Variants in MYLK observed in about 807,000 individuals in gnomAD.
The protein encoded by MYLK is myosin light chain kinase, also known as myosin light chain kinase, smooth muscle.
MYLK carries 106 observed loss-of-function variants against 203.4 expected under a neutral mutation model. That is an observed-to-expected ratio of 0.52 (90% CI 0.45 to 0.61). The LOEUF (loss-of-function observed/expected upper bound fraction) is 0.61, where lower values mean the gene tolerates loss of function less well. Ranked by LOEUF, MYLK falls within the 20% of genes least tolerant of loss-of-function variation. The pLI is 0.00. For synonymous variants in MYLK, 867 were observed against 959.5 expected, an observed-to-expected ratio of 0.90 and a Z score of 1.78; for missense variants, 2,072 against 2,442.3, an observed-to-expected ratio of 0.85 and a Z score of 3.20.
chr3:123,819,137 G>A (rs1292930005), intron 3 of MYLK, among the ~76,000 whole-genome samples: 1 of 152,180 alleles, frequency 6.6e-6, no homozygotes, highest in Non-Finnish European at 1.5e-5. Flanking sequence ...CAACAGTTGG[G>A]AGACCATTCT....
At chr3:123,673,451 C>T (rs1038183858) in intron 20 of MYLK, among the ~76,000 whole-genome samples, 14 of 152,060 alleles carry the variant, frequency 9.2e-5, no homozygotes, top group African/African-American at 3.4e-4. Context: ...CCCCCACTCC[C>T]CCGCTCTCTG....
intron 3 of MYLK, among the ~76,000 whole-genome samples, chr3:123,805,492 G>T (rs962809663): frequency 3.3e-5 from 5 of 152,024 alleles, no homozygotes; most frequent in South Asian, 2.1e-4. Context: ...AAAATCTAGG[G>T]TTTTTTTCCC....
At chr3:123,666,941 C>T in intron 21 of MYLK, 196 bp downstream of exon 21, 1 of 620,046 alleles carries the variant, frequency 1.6e-6, no homozygotes, top group Non-Finnish European at 2.9e-6. Context: ...GGAAGGGGAC[C>T]AGGAGCCAGG....
intron 29 of MYLK, among the ~76,000 whole-genome samples, chr3:123,637,451 G>C (rs1364922881): frequency 6.6e-6 from 1 of 152,166 alleles, no homozygotes; most frequent in African/African-American, 2.4e-5. Context: ...GGCCTAGATG[G>C]CTGGCCTCCC....
chr3:123,855,461 T>C (rs1465075171), intron 2 of MYLK, among the ~76,000 whole-genome samples: 3 of 152,024 alleles, frequency 2.0e-5, no homozygotes, highest in Non-Finnish European at 4.4e-5. Flanking sequence ...CATTGTTTAT[T>C]ATTTTTTTTA....
chr3:123,618,428 G>T, intron 33 of MYLK: 2 of 580,710 alleles, frequency 3.4e-6, no homozygotes, highest in East Asian at 3.0e-5. Context: ...GCCCCCTGGG[G>T]AAGTGACTGA....
chr3:123,640,742 A>G lies in MYLK; in HGVS notation c.4620-238T>C, dbSNP rs1169450864. On this transcript the variant is annotated intron_variant, in intron 27 of 33. Coordinates refer to ENST00000360304, the MANE Select transcript of MYLK (RefSeq NM_053025.4). The surrounding 1 kb of genome is among the most constrained non-coding windows in gnomAD (Gnocchi z 4.3). ...TAAGCTGCTGGGGACTCAGGGAAGC[A>G]TCTACACTAGGCAGTTTCAGAGGTG... 2.6e-5 allele frequency among the ~76,000 whole-genome samples: 4 copies of G among 152,166 alleles called. No individual in the cohort carries two copies. The highest frequency in any genetic ancestry group is 1.9e-4 in the East Asian group (1 of 5,172).
chr3:123,708,151 G>A, intron 15 of MYLK, 148 bp from the exon 16 acceptor site: 1 of 1,123,476 alleles, frequency 8.9e-7, no homozygotes. Context: ...ATACACAAAT[G>A]CAGCACACCC....
At chr3:123,816,957 T>C (rs1200665854) in intron 3 of MYLK, among the ~76,000 whole-genome samples, 1 of 152,170 alleles carries the variant, frequency 6.6e-6, no homozygotes, top group Non-Finnish European at 1.5e-5. Flanking sequence ...CCCAAGTTTG[T>C]AGAGGCTGCT....
Position 123,881,795 on chromosome 3 carries a change from C to G in MYLK, c.-186+2411G>C, listed in dbSNP as rs375794104. On this transcript the variant is annotated intron_variant, in intron 1 of 33. Transcript: ENST00000360304. The stretch of plus-strand genomic sequence containing the variant: ...ACCCCAGCGCATTCACAATCTATGC[C>G]TCTGAGACCAGCAAAGATCTCCCTA... 2.0e-5 allele frequency among the ~76,000 whole-genome samples: 3 copies of G among 152,316 alleles called. No homozygotes were observed. The East Asian group carries it at 5.8e-4, about 29-fold the overall frequency.
rs762375833 is a variant in MYLK, at chr3:123,700,677, G to T, written c.2791C>A (p.Arg931=). 1.2e-6 allele frequency: 2 copies of T among 1,614,134 alleles called. No individual in the cohort carries two copies. Among genetic ancestry groups the T allele is most frequent in the Non-Finnish European group, 1.7e-6 (2 of 1,180,038 alleles). The change falls in exon 18 of 34, where the codon CGG becomes AGG. Residue 931 remains arginine (R), a synonymous_variant. Transcript: ENST00000360304. ...GACACAGTCTTTGGCTTCACTTGCC[G>T]CTGCAGGTTGGCACGGAAATCCATC... The part of the protein sequence containing the change: ...EQMDFRANLQ[R]QVKPKTVSEE...
chr3:123,809,125 C>A (rs2065468871), intron 3 of MYLK, among the ~76,000 whole-genome samples: 1 of 152,134 alleles, frequency 6.6e-6, no homozygotes, highest in African/African-American at 2.4e-5. Flanking sequence ...GATAAGAAAA[C>A]CAAGGCCTAC....
At chr3:123,626,782 G>A in intron 31 of MYLK, 36 bp downstream of exon 31, 1 of 1,613,818 alleles carries the variant, frequency 6.2e-7, no homozygotes, top group Non-Finnish European at 8.5e-7. Flanking sequence ...CAAATATGAG[G>A]GGCAACATCC....
At chr3:123,780,392 C>T (rs544281429) in intron 4 of MYLK, among the ~76,000 whole-genome samples, 1 of 152,276 alleles carries the variant, frequency 6.6e-6, no homozygotes, top group East Asian at 1.9e-4. Flanking sequence ...CGAGATTGCG[C>T]CACTGTCCTC....
intron 3 of MYLK, among the ~76,000 whole-genome samples, chr3:123,810,271 G>A (rs151033830): frequency 1.3e-5 from 2 of 152,252 alleles, no homozygotes; most frequent in Admixed American, 6.5e-5. Context: ...CGTGTTTCCC[G>A]TGGTTCCCAT....
At chr3:123,751,949 G>A (rs1008270492) in intron 5 of MYLK, among the ~76,000 whole-genome samples, 6 of 152,134 alleles carry the variant, frequency 3.9e-5, no homozygotes, top group African/African-American at 1.4e-4. Context: ...AAGGGCCAGA[G>A]GTGGGTGTGA....
At position 123,804,681 on chromosome 3, in the gene MYLK, C is replaced by T. The variant is rs2065309037; in HGVS notation, c.-3-10837G>A. Among the ~76,000 whole-genome samples, 4 of 152,150 alleles carry T rather than the reference C, an allele frequency of 2.6e-5. No individual in the cohort carries two copies. The South Asian group carries it at 8.3e-4, about 32-fold the overall frequency. ...AGAGGATACTTTGCTAGGAAGACCC[C>T]TCAATTCTGAGGGCATGGGCACAAG... On this transcript the variant is annotated intron_variant, in intron 3 of 33. Coordinates refer to ENST00000360304, the MANE Select transcript of MYLK (RefSeq NM_053025.4).
chr3:123,620,420 C>G, intron 31 of MYLK, 84 bp from the exon 32 acceptor site: 1 of 1,604,514 alleles, frequency 6.2e-7, no homozygotes, highest in South Asian at 1.1e-5. Flanking sequence ...GAGTAGAGCC[C>G]AGCCCCAGAG....
At chr3:123,633,962 T>G (rs546413491) in intron 29 of MYLK, among the ~76,000 whole-genome samples, 4 of 152,142 alleles carry the variant, frequency 2.6e-5, no homozygotes, top group African/African-American at 9.6e-5. Context: ...GGACCACAGG[T>G]GCACACTACT....
Sources: allele counts gnomAD v4.1 joint callset (sites outside exome capture counted in the v4.1 genomes callset), GRCh38; gene constraint gnomAD v4.1.1; non-coding constraint Gnocchi (gnomAD v3.1); transcripts MANE v1.5; gene names NCBI Gene and HGNC (gene_info 2026-07-23, HGNC 2026-07-21).